DRD2: variants seen among roughly 807,000 people sequenced by gnomAD.
DRD2 encodes the protein dopamine receptor D2.
A neutral mutation model predicts 38.0 loss-of-function variants in DRD2; 8 were observed. The observed-to-expected ratio is 0.21, with a 90% CI of 0.12 to 0.38. DRD2 has a LOEUF of 0.38. Among genes scored for constraint, DRD2 ranks in the 10% least tolerant of loss-of-function variants. The pLI is 1.00. For missense variants in DRD2, 403 were observed against 607.7 expected (o/e 0.66, Z 3.54); for synonymous variants, 230 against 238.6 (o/e 0.96, Z 0.33).
At chr11:113,458,649 G>T (rs2119947837) in intron 1 of DRD2, among the ~76,000 whole-genome samples, 1 of 152,326 alleles carries the variant, frequency 6.6e-6, no homozygotes. Flanking sequence ...TGATTATTGT[G>T]TGTGTGTGCA....
At chr11:113,455,517 T>C (rs2119932510) in intron 1 of DRD2, among the ~76,000 whole-genome samples, 1 of 151,756 alleles carries the variant, frequency 6.6e-6, no homozygotes, top group Middle Eastern at 3.4e-3. Context: ...TGAGAGAAAA[T>C]ATTTGCAAAT....
chr11:113,457,569 A>G (rs569798187), intron 1 of DRD2, among the ~76,000 whole-genome samples: 215 of 150,842 alleles, frequency 1.4e-3, no homozygotes, highest in African/African-American at 4.8e-3. Context: ...TCCCCTCTCC[A>G]TTACCACCCC....
chr11:113,432,288 T>TCTC (rs1950994133), intron 1 of DRD2, among the ~76,000 whole-genome samples: 4 of 136,258 alleles, frequency 2.9e-5, no homozygotes, highest in Admixed American at 7.3e-5. Context: ...GATCCTCTCT[T>TCTC]TCTCTCTCTC....
chr11:113,455,175 C>T (rs748954718), intron 1 of DRD2, among the ~76,000 whole-genome samples: 7 of 151,818 alleles, frequency 4.6e-5, no homozygotes, highest in African/African-American at 7.3e-5. Context: ...GGTGAGACCC[C>T]GTCTCTACTA....
intron 1 of DRD2, among the ~76,000 whole-genome samples, chr11:113,453,404 G>C (rs148112857): frequency 6.6e-6 from 1 of 152,124 alleles, no homozygotes; most frequent in Admixed American, 6.5e-5. Flanking sequence ...TATACCATAC[G>C]CACTCAGTCC....
rs182111830 is a variant in DRD2, at chr11:113,459,218, A to G, written c.-32+15858T>C. 3.3e-4 allele frequency among the ~76,000 whole-genome samples: 51 copies of G among 152,358 alleles called. 2 individuals are homozygous for G. The highest frequency in any genetic ancestry group is 6.8e-3 in the Middle Eastern group (2 of 294). ...AGGAAGATAATATAGTCAGTATTTG[A>G]AAGTGGTAGATATTATTCACTTGGA... On this transcript the variant is annotated intron_variant, in intron 1 of 7. Transcript: ENST00000362072.
chr11:113,412,931 GCAT>G, intron 6 of DRD2, 48 bp from the exon 7 acceptor site: 1 of 1,566,254 alleles, frequency 6.4e-7, no homozygotes, highest in Non-Finnish European at 8.6e-7. Flanking sequence ...AAGTTCCCAG[GCAT>G]CAGCCACCCA....
intron 1 of DRD2, among the ~76,000 whole-genome samples, chr11:113,437,501 G>C (rs1951049938): frequency 6.6e-6 from 1 of 152,146 alleles, no homozygotes. Context: ...TTATAAAGAG[G>C]GAAGTTGAGG....
At position 113,475,250 on chromosome 11, in the gene DRD2, C is replaced by T. The variant is rs949852022; in HGVS notation, c.-206G>A. 3 of 149,444 alleles carry T rather than the reference C, an allele frequency of 2.0e-5. No homozygotes were observed. The highest frequency in any genetic ancestry group is 2.0e-4 in the Admixed American group (3 of 14,982). 9.3% of individuals were successfully genotyped at this position (149,444 alleles called of 1,614,324 possible). On this transcript the variant is annotated 5_prime_UTR_variant, in exon 1 of 8. Coordinates refer to ENST00000362072, the MANE Select transcript of DRD2 (RefSeq NM_000795.4). ...CGTTCAGAGCCCCGGCGGGCAGCAG[C>T]TCGGCCGGCTCTGGCCCGCGGGGAG...
intron 1 of DRD2, among the ~76,000 whole-genome samples, chr11:113,453,613 G>A (rs1407573019): frequency 6.6e-6 from 1 of 152,214 alleles, no homozygotes. Context: ...AAGCAATGTA[G>A]ATAACAAAAT....
intron 1 of DRD2, among the ~76,000 whole-genome samples, chr11:113,432,335 T>C (rs2138192542): frequency 6.9e-6 from 1 of 145,506 alleles, no homozygotes; most frequent in South Asian, 2.2e-4. Context: ...TCCCTCCCTC[T>C]ATCCCCACCA....
chr11:113,423,877 A>T (rs1950909896), intron 2 of DRD2, among the ~76,000 whole-genome samples: 1 of 152,100 alleles, frequency 6.6e-6, no homozygotes, highest in South Asian at 2.1e-4. Flanking sequence ...AAGTGGGGAG[A>T]TGGGAGTGAA....
At position 113,448,652 on chromosome 11, in the gene DRD2, A is replaced by C. The variant is rs985137289; in HGVS notation, c.-31-23970T>G. ...TTGTTCACTGTCCTCATCCAAGGGC[A>C]CGGGTACAGCAGTCTATTCTGTCTC... On this transcript the variant is annotated intron_variant, in intron 1 of 7. Transcript: ENST00000362072. Among the ~76,000 whole-genome samples, 4 of 152,346 alleles carry C rather than the reference A, an allele frequency of 2.6e-5. No homozygotes were observed. In the East Asian group the frequency reaches 7.7e-4, roughly 29 times the overall value.
Position 113,428,505 on chromosome 11 carries a change from G to T in DRD2, c.-31-3823C>A, listed in dbSNP as rs377472703. On this transcript the variant is annotated intron_variant, in intron 1 of 7. Transcript: ENST00000362072. Reference sequence around the variant, plus strand: ...TGGGGATGAGGGCTGTGGTCCTGCAGGGGGATCTGGGTGGCACTCCACCGT... The same window carrying T: ...TGGGGATGAGGGCTGTGGTCCTGCATGGGGATCTGGGTGGCACTCCACCGT... Among the ~76,000 whole-genome samples, 148 of 152,328 alleles carry T rather than the reference G, an allele frequency of 9.7e-4. 5 individuals carry two copies. In the South Asian group the frequency reaches 0.028, roughly 29 times the overall value.
intron 1 of DRD2, among the ~76,000 whole-genome samples, chr11:113,449,830 A>T (rs538415632): frequency 6.6e-6 from 1 of 152,312 alleles, no homozygotes; most frequent in African/African-American, 2.4e-5. Flanking sequence ...GAGAAGCGAA[A>T]ATTCACCCCA....
chr11:113,423,719 GA>G (rs1950907708), intron 2 of DRD2, among the ~76,000 whole-genome samples: 2 of 152,210 alleles, frequency 1.3e-5, no homozygotes. Flanking sequence ...GCTGGGCCAA[GA>G]AATGAGTGAC....
At chr11:113,432,063 TAA>T (rs910290149) in intron 1 of DRD2, among the ~76,000 whole-genome samples, 3 of 152,080 alleles carry the variant, frequency 2.0e-5, no homozygotes, top group African/African-American at 7.2e-5. Flanking sequence ...CCCCAACCTA[TAA>T]AGTGTATTGG....
At chr11:113,441,244 T>C (rs908949584) in intron 1 of DRD2, among the ~76,000 whole-genome samples, 2 of 152,202 alleles carry the variant, frequency 1.3e-5, no homozygotes, top group African/African-American at 4.8e-5. Context: ...CCCATTCTGT[T>C]ATGTGGGAAA....
Position 113,415,432 on chromosome 11 carries a change from C to A in DRD2, c.712G>T (p.Ala238Ser). The A allele has an allele frequency of 6.2e-7, 1 of 1,612,674 alleles. No individual in the cohort carries two copies. Among genetic ancestry groups the A allele is most frequent in the Non-Finnish European group, 8.5e-7 (1 of 1,179,110 alleles). The change falls in exon 5 of 8, where the codon GCT becomes TCT. Residue 238 changes from alanine (A) to serine (S), a missense_variant. Physicochemically the swap from Ala to Ser is moderately conservative, Grantham distance 99. Around this residue, in one of 4 missense-constraint regions of DRD2, gnomAD observed 166 missense variants for 178.6 expected, o/e 0.93. Coordinates refer to ENST00000362072, the MANE Select transcript of DRD2 (RefSeq NM_000795.4). Reference sequence around the variant, plus strand: ...GGGTGTCTTGAGACCTTTAGTGGAGCCCTCAGGTGGGCCCTGAAAGCTCGG... The same window carrying A: ...GGGTGTCTTGAGACCTTTAGTGGAGACCTCAGGTGGGCCCTGAAAGCTCGG... The part of the protein sequence containing the change: ...SSRAFRAHLR[A>S]PLKGNCTHPE...
Sources: allele counts gnomAD v4.1 joint callset (sites outside exome capture counted in the v4.1 genomes callset), GRCh38; gene constraint gnomAD v4.1.1; regional missense constraint gnomAD v4.1.1; transcripts MANE v1.5; gene names NCBI Gene and HGNC (gene_info 2026-07-23, HGNC 2026-07-21).